ABLIM3: variants seen among roughly 807,000 people sequenced by gnomAD.
ABLIM3 encodes actin-binding LIM protein 3.
A neutral mutation model predicts 109.5 loss-of-function variants in ABLIM3; 61 were observed. The ratio of observed to expected loss-of-function variants is 0.56; its 90% CI spans 0.45 to 0.69. The LOEUF is 0.69. Ranked by LOEUF, ABLIM3 falls within the 30% of genes least tolerant of loss-of-function variation. ABLIM3 has a pLI of 0.00. For missense variants in ABLIM3, 796 were observed against 889.5 expected (o/e 0.89, Z 1.34); for synonymous variants, 300 against 324.8 (o/e 0.92, Z 0.82).
chr5:149,182,778 A>G (rs767232842), intron 2 of ABLIM3, among the ~76,000 whole-genome samples: 1 of 152,338 alleles, frequency 6.6e-6, no homozygotes, highest in African/African-American at 2.4e-5. Flanking sequence ...CAACCCTTTC[A>G]TAATCTCCAC....
chr5:149,199,383 G>A (rs1336599441), intron 4 of ABLIM3, among the ~76,000 whole-genome samples: 3 of 152,184 alleles, frequency 2.0e-5, no homozygotes, highest in Non-Finnish European at 4.4e-5. Context: ...ATGACAGAGT[G>A]TGTAAGAAAA....
intron 5 of ABLIM3, among the ~76,000 whole-genome samples, chr5:149,204,156 G>T (rs1375328159): frequency 6.6e-6 from 1 of 152,182 alleles, no homozygotes; most frequent in Non-Finnish European, 1.5e-5. Context: ...GTCTAAAAAG[G>T]ATAAAAATGG....
chr5:149,197,546 G>A (rs956827255), intron 3 of ABLIM3, among the ~76,000 whole-genome samples: 3 of 152,082 alleles, frequency 2.0e-5, no homozygotes, highest in Non-Finnish European at 4.4e-5. Context: ...CTTCCTGCCT[G>A]AGAATAGACA....
intron 3 of ABLIM3, among the ~76,000 whole-genome samples, chr5:149,183,834 A>G (rs1031434963): frequency 6.6e-6 from 1 of 152,180 alleles, no homozygotes; most frequent in Non-Finnish European, 1.5e-5. Context: ...AAGGAAAAAG[A>G]CTAATCTGCA....
intron 2 of ABLIM3, among the ~76,000 whole-genome samples, chr5:149,156,858 G>A (rs1035529280): frequency 4.6e-5 from 7 of 152,204 alleles, no homozygotes; most frequent in Admixed American, 3.3e-4. Flanking sequence ...TGTACCAATC[G>A]AAATGTATTT....
At chr5:149,216,502 G>A (rs564013195) in intron 7 of ABLIM3, 35 of 153,730 alleles carry the variant, frequency 2.3e-4, no homozygotes, top group Non-Finnish European at 7.2e-5. Flanking sequence ...TCAGAAGAAT[G>A]TATAGAGGAC....
intron 2 of ABLIM3, among the ~76,000 whole-genome samples, chr5:149,169,240 T>C (rs1178961064): frequency 1.3e-5 from 2 of 152,042 alleles, no homozygotes; most frequent in Non-Finnish European, 2.9e-5. Context: ...TCTAAACACA[T>C]TTATTTGACG....
At position 149,206,955 on chromosome 5, in the gene ABLIM3, G is replaced by A. The variant is rs529539402; in HGVS notation, c.449-53G>A. 3.1e-5 allele frequency: 49 copies of A among 1,581,030 alleles called. No individual in the cohort carries two copies. In the East Asian group the frequency reaches 4.2e-4, roughly 14 times the overall value. On this transcript the variant is annotated intron_variant, in intron 5 of 23. Transcript: ENST00000309868. ...TTCCTTGACGTGGGCCTGAGATAGC[G>A]GGGGTTAAAGGGCCCAGGGTGCTTT...
intron 23 of ABLIM3, among the ~76,000 whole-genome samples, chr5:149,255,028 A>G (rs577675113): frequency 1.5e-4 from 23 of 152,360 alleles, no homozygotes; most frequent in Non-Finnish European, 2.8e-4. Flanking sequence ...CCTGTCCTCA[A>G]GGAGCTCAGA....
intron 8 of ABLIM3, chr5:149,220,371 G>A (rs891819031): frequency 3.9e-5 from 6 of 152,164 alleles, no homozygotes; most frequent in African/African-American, 1.4e-4. Context: ...CTCCAAGGGT[G>A]GGAGATATTC....
At chr5:149,147,090 G>C (rs1046685550) in intron 2 of ABLIM3, among the ~76,000 whole-genome samples, 1 of 131,924 alleles carries the variant, frequency 7.6e-6, no homozygotes, top group Non-Finnish European at 1.6e-5. Context: ...TCTCTCTCTC[G>C]CTCGCTTGCT....
At chr5:149,170,242 C>CTCTCTCTG (rs1755266914) in intron 2 of ABLIM3, among the ~76,000 whole-genome samples, 1 of 150,930 alleles carries the variant, frequency 6.6e-6, no homozygotes, top group Admixed American at 6.6e-5. Context: ...CTCTCTCTCT[C>CTCTCTCTG]TCTCTCTCTC....
chr5:149,250,402 C>T (rs1009230602), intron 19 of ABLIM3, 45 bp from the exon 20 acceptor site: 4 of 1,600,018 alleles, frequency 2.5e-6, no homozygotes, highest in African/African-American at 2.7e-5. Context: ...GAGAGGGACT[C>T]ATGGCTTGGG....
In ABLIM3 at chr5:149,258,492, A is replaced by G; in HGVS notation, c.*88A>G. 2.1e-6 allele frequency: 3 copies of G among 1,451,272 alleles called. No individual in the cohort carries two copies. Among genetic ancestry groups the G allele is most frequent in the Non-Finnish European group, 2.7e-6 (3 of 1,106,990 alleles). The allele number at this position is 1,451,272 out of a possible 1,614,324, so 89.9% of individuals were successfully genotyped here. A position where few individuals can be genotyped will look rare whatever the true frequency, so the allele number is the denominator to read the frequency against. ...GCTCGGTATAATCCTCTCTTGTGTA[A>G]TGGGACACACTGCCTGCCATGAGAC... On this transcript the variant is annotated 3_prime_UTR_variant, in exon 24 of 24. Transcript: ENST00000309868.
At chr5:149,141,889 C>T in intron 1 of ABLIM3, 120 bp from the exon 2 acceptor site, 1 of 695,042 alleles carries the variant, frequency 1.4e-6, no homozygotes, top group Non-Finnish European at 2.5e-6. Context: ...CTCACCTGCG[C>T]CTATTAGTCC....
chr5:149,180,674 C>A (rs958846757), intron 2 of ABLIM3, among the ~76,000 whole-genome samples: 1 of 152,224 alleles, frequency 6.6e-6, no homozygotes, highest in Non-Finnish European at 1.5e-5. Context: ...TGTATTAATA[C>A]ACCAAATGTA....
intron 8 of ABLIM3, among the ~76,000 whole-genome samples, chr5:149,227,783 T>C (rs1043156118): frequency 6.6e-6 from 1 of 152,230 alleles, no homozygotes; most frequent in African/African-American, 2.4e-5. Flanking sequence ...ATTGTACTAC[T>C]TGTCCAAATC....
chr5:149,249,918 A>G (rs1048306804), intron 19 of ABLIM3, 74 bp downstream of exon 19: 10 of 1,540,860 alleles, frequency 6.5e-6, no homozygotes, highest in Non-Finnish European at 8.1e-6. Flanking sequence ...GCAGTTCTCC[A>G]TAGTTCTAAT....
chr5:149,242,281 C>T (rs1302168136), intron 14 of ABLIM3, among the ~76,000 whole-genome samples: 4 of 152,314 alleles, frequency 2.6e-5, no homozygotes, highest in South Asian at 2.1e-4. Context: ...TTCCTCTTCC[C>T]GCACCTTACT....
Sources: allele counts gnomAD v4.1 joint callset (sites outside exome capture counted in the v4.1 genomes callset), GRCh38; gene constraint gnomAD v4.1.1; transcripts MANE v1.5; gene names NCBI Gene and HGNC (gene_info 2026-07-23, HGNC 2026-07-21).